Variants in CLVS1 observed in about 807,000 individuals in gnomAD.
CLVS1 encodes clavesin-1.
A neutral mutation model predicts 33.1 loss-of-function variants in CLVS1; 10 were observed. That is an observed-to-expected ratio of 0.30 (90% CI 0.19 to 0.51). CLVS1 has a LOEUF of 0.51. Ranked by LOEUF, CLVS1 falls within the 20% of genes least tolerant of loss-of-function variation. The pLI is 0.97. For missense variants in CLVS1, 343 were observed against 433.4 expected (o/e 0.79, Z 1.85); for synonymous variants, 163 against 166.1 (o/e 0.98, Z 0.14).
chr8:61,207,315 T>C (rs1264632083), intron 2 of CLVS1, among the ~76,000 whole-genome samples: 2 of 151,802 alleles, frequency 1.3e-5, no homozygotes, highest in South Asian at 2.1e-4. Context: ...TGTGCAGAGG[T>C]GCATGGGCTC....
chr8:61,275,149 G>A (rs1440662928), intron 2 of CLVS1, among the ~76,000 whole-genome samples: 2 of 151,990 alleles, frequency 1.3e-5, no homozygotes, highest in African/African-American at 4.8e-5. Flanking sequence ...GAGACCTCTG[G>A]GCTTGGCCTG....
intron 2 of CLVS1, among the ~76,000 whole-genome samples, chr8:61,220,565 T>G (rs1808186241): frequency 6.6e-6 from 1 of 152,150 alleles, no homozygotes; most frequent in African/African-American, 2.4e-5. Context: ...ACTGTAGCCT[T>G]GTAATATAGT....
At chr8:61,035,190 T>TTTTC in the CLVS1 span, among the ~76,000 whole-genome samples, 38 of 146,136 alleles carry the variant, frequency 2.6e-4, no homozygotes, top group Admixed American at 2.5e-3. Context: ...CTTTTTTCTT[T>TTTTC]TTTTTTTTTT....
At chr8:61,478,904 T>C (rs1818067772) in intron 5 of CLVS1, among the ~76,000 whole-genome samples, 1 of 152,236 alleles carries the variant, frequency 6.6e-6, no homozygotes, top group Non-Finnish European at 1.5e-5. Flanking sequence ...TGTTGAATAT[T>C]GGCCCCCACT....
At chr8:61,241,090 C>A (rs944777028) in intron 2 of CLVS1, among the ~76,000 whole-genome samples, 2 of 152,072 alleles carry the variant, frequency 1.3e-5, no homozygotes, top group African/African-American at 2.4e-5. Context: ...GTCATCCTTA[C>A]ATGGCAGTCA....
At chr8:61,089,945 A>T (rs1355812269) in intron 1 of CLVS1, among the ~76,000 whole-genome samples, 1 of 152,130 alleles carries the variant, frequency 6.6e-6, no homozygotes, top group Middle Eastern at 3.2e-3. Context: ...TGTTAAAAAA[A>T]ATCTCCCAGG....
At chr8:61,404,192 C>T (rs1814888814) in intron 3 of CLVS1, among the ~76,000 whole-genome samples, 1 of 152,146 alleles carries the variant, frequency 6.6e-6, no homozygotes, top group Non-Finnish European at 1.5e-5. Flanking sequence ...AATTGGTCAG[C>T]TTGGAGCTTC....
intron 2 of CLVS1, among the ~76,000 whole-genome samples, chr8:61,263,108 G>A (rs555257024): frequency 4.7e-4 from 71 of 152,280 alleles, no homozygotes; most frequent in African/African-American, 1.6e-3. Flanking sequence ...GATGAAAAAT[G>A]ACCCAAAGAT....
At chr8:61,055,899 G>A (rs1223876656), upstream of CLVS1, among the ~76,000 whole-genome samples, 1 of 152,236 alleles carries the variant, frequency 6.6e-6, no homozygotes, top group African/African-American at 2.4e-5. Context: ...TGGTTCAGAG[G>A]CCTGGACTCC....
At chr8:61,271,980 T>G (rs1407559763) in intron 2 of CLVS1, among the ~76,000 whole-genome samples, 7 of 151,824 alleles carry the variant, frequency 4.6e-5, no homozygotes. Context: ...ATTGGAGCAT[T>G]TAGTCCATTT....
chr8:61,145,665 A>G (rs1806401952), intron 2 of CLVS1, among the ~76,000 whole-genome samples: 1 of 152,222 alleles, frequency 6.6e-6, no homozygotes, highest in Non-Finnish European at 1.5e-5. Context: ...TCTCAAAAGA[A>G]GACATTTATG....
At chr8:61,431,396 GA>G in intron 3 of CLVS1, among the ~76,000 whole-genome samples, 1 of 152,264 alleles carries the variant, frequency 6.6e-6, no homozygotes, top group East Asian at 1.9e-4. Context: ...GTTTAACCTG[GA>G]ATTCTTTTTT....
At position 61,500,547 on chromosome 8, in the gene CLVS1, A is replaced by C. The variant is rs920391378; in HGVS notation, c.*1005A>C. On this transcript the variant is annotated 3_prime_UTR_variant, in exon 6 of 6. Coordinates refer to ENST00000325897, the MANE Select transcript of CLVS1 (RefSeq NM_173519.3). The stretch of plus-strand genomic sequence containing the variant: ...AGTACTGAAGTAAGAGAAGACTAGA[A>C]ATGCAGGATGAAATGTCAAAGGTCA... 1 of 152,220 alleles carries C rather than the reference A, an allele frequency of 6.6e-6. No individual in the cohort carries two copies. The allele number at this position is 152,220 out of a possible 1,614,324, so 9.4% of individuals were successfully genotyped here. A position where few individuals can be genotyped will look rare whatever the true frequency, so the allele number is the denominator to read the frequency against.
intron 2 of CLVS1, among the ~76,000 whole-genome samples, chr8:61,193,704 A>G (rs1807543861): frequency 6.6e-6 from 1 of 151,964 alleles, no homozygotes; most frequent in Non-Finnish European, 1.5e-5. Context: ...TTCAGACAAA[A>G]AGAGATTTTG....
chr8:61,244,333 C>T (rs1344293142), intron 2 of CLVS1, among the ~76,000 whole-genome samples: 1 of 151,962 alleles, frequency 6.6e-6, no homozygotes, highest in Non-Finnish European at 1.5e-5. Flanking sequence ...CTTAATTGCA[C>T]TTTGGACAGA....
chr8:61,454,994 C>T (rs753329581), intron 4 of CLVS1, among the ~76,000 whole-genome samples: 10 of 152,116 alleles, frequency 6.6e-5, no homozygotes, highest in Non-Finnish European at 1.0e-4. Flanking sequence ...GACTTGTTGA[C>T]TTTTATTTAT....
chr8:61,122,569 AACACACACACACACACACACACAC>A (rs4033855), intron 1 of CLVS1, among the ~76,000 whole-genome samples: 7 of 144,532 alleles, frequency 4.8e-5, no homozygotes, highest in Non-Finnish European at 9.1e-5. Context: ...ATATTAAGAA[AACACACACACACACACACACACAC>A]ACACACACAC....
chr8:61,483,431 G>A (rs1803744189), intron 5 of CLVS1, among the ~76,000 whole-genome samples: 1 of 152,276 alleles, frequency 6.6e-6, no homozygotes, highest in African/African-American at 2.4e-5. Flanking sequence ...AATAGGTTCT[G>A]AAATTGATGC....
intron 1 of CLVS1, among the ~76,000 whole-genome samples, chr8:61,088,174 G>T (rs905952380): frequency 6.6e-6 from 1 of 152,130 alleles, no homozygotes; most frequent in Admixed American, 6.5e-5. Context: ...GCTGTATAGT[G>T]CCCCACTGTG....
Sources: gnomAD v4.1 joint callset for allele counts (sites outside exome capture counted in the v4.1 genomes callset) on GRCh38, gnomAD v4.1.1 for gene constraint, MANE v1.5 for transcripts, NCBI Gene and HGNC (gene_info 2026-07-23, HGNC 2026-07-21) for gene names.